ADAM18: variants seen among roughly 807,000 people sequenced by gnomAD.
ADAM18 encodes ADAM metallopeptidase domain 18.
ADAM18 carries 117 observed loss-of-function variants against 94.4 expected under a neutral mutation model. That is an observed-to-expected ratio of 1.24 (90% confidence interval 1.07 to 1.45). The LOEUF (loss-of-function observed/expected upper bound fraction) is 1.45. Among genes scored for constraint, ADAM18 ranks in the 40% most tolerant of loss-of-function variants. ADAM18 has a pLI of 0.00. For synonymous variants in ADAM18, 327 were observed against 291.6 expected, an observed-to-expected ratio of 1.12 and a Z score of -1.24; for missense variants, 936 against 880.0, an observed-to-expected ratio of 1.06 and a Z score of -0.81.
At chr8:39,702,951 G>T (rs192941843) in intron 17 of ADAM18, among the ~76,000 whole-genome samples, 48 of 152,252 alleles carry the variant, frequency 3.2e-4, no homozygotes, top group African/African-American at 1.1e-3. Flanking sequence ...GCATAGGATT[G>T]CCCTGGCCAT....
At position 39,706,787 on chromosome 8, in the gene ADAM18, C is replaced by G. The variant is rs982589915; in HGVS notation, c.1903-3C>G. ...AAACTGTTTCTGTATTTTTCTGTTTCAGATATGTAATAATTTTGGTAATTG... is the reference window on the plus strand; with the variant it reads ...AAACTGTTTCTGTATTTTTCTGTTTGAGATATGTAATAATTTTGGTAATTG... On this transcript the variant is annotated splice_region_variant and splice_polypyrimidine_tract_variant and intron_variant, in intron 17 of 19. Transcript: ENST00000265707. 2 of 1,544,876 alleles carry G rather than the reference C, an allele frequency of 1.3e-6. No individual in the cohort carries two copies. Among genetic ancestry groups the G allele is most frequent in the African/African-American group, 2.7e-5 (2 of 73,038 alleles).
chr8:39,590,854 T>C (rs1416463068), intron 2 of ADAM18, among the ~76,000 whole-genome samples: 1 of 152,202 alleles, frequency 6.6e-6, no homozygotes, highest in Non-Finnish European at 1.5e-5. Context: ...CTTCTGGTTA[T>C]TTTCCTGTTT....
chr8:39,635,506 TCTC>T (rs1485711744), intron 7 of ADAM18, among the ~76,000 whole-genome samples: 6 of 152,068 alleles, frequency 3.9e-5, no homozygotes, highest in South Asian at 2.1e-4. Context: ...TTTCACAACT[TCTC>T]CTAAGTTAAC....
At chr8:39,620,838 G>C (rs970597506) in intron 6 of ADAM18, among the ~76,000 whole-genome samples, 40 of 151,734 alleles carry the variant, frequency 2.6e-4, no homozygotes, top group African/African-American at 9.4e-4. Context: ...GTAGAGTGTG[G>C]AATGATAGAC....
Position 39,640,680 on chromosome 8 carries a change from G to A in ADAM18, c.909+2134G>A, listed in dbSNP as rs542989074. ...AGCATTCCTTTTTCTTTATAACCTC[G>A]CCAGCATCTGTTGTTTATTGACTTT... On this transcript the variant is annotated intron_variant, in intron 10 of 19. Coordinates refer to ENST00000265707, the MANE Select transcript of ADAM18 (RefSeq NM_014237.3). Among the ~76,000 whole-genome samples the A allele has an allele frequency of 8.6e-5, 13 of 151,894 alleles. No individual in the cohort carries two copies. In the South Asian group the frequency reaches 1.7e-3, roughly 19 times the overall value.
intron 2 of ADAM18, among the ~76,000 whole-genome samples, chr8:39,596,895 T>C (rs1030908466): frequency 3.9e-5 from 6 of 152,234 alleles, no homozygotes; most frequent in African/African-American, 1.2e-4. Context: ...ATTTTATTTT[T>C]AATTTGCAAT....
At chr8:39,694,442 T>A (rs1821867509) in intron 17 of ADAM18, among the ~76,000 whole-genome samples, 1 of 151,424 alleles carries the variant, frequency 6.6e-6, no homozygotes, top group Admixed American at 6.6e-5. Flanking sequence ...CCATGACCTG[T>A]TTTTAGTTCA....
At chr8:39,716,357 G>A (rs1393889215) in intron 18 of ADAM18, among the ~76,000 whole-genome samples, 1 of 151,680 alleles carries the variant, frequency 6.6e-6, no homozygotes, top group Non-Finnish European at 1.5e-5. Context: ...CTCCCTGTTA[G>A]TGCTGCTTTT....
chr8:39,723,823 C>G lies in ADAM18; in HGVS notation c.2093C>G (p.Pro698Arg). The change falls in exon 19 of 20, where the codon CCG becomes CGG. Residue 698 changes from proline to arginine, a missense_variant. Coordinates refer to ENST00000265707, the MANE Select transcript of ADAM18 (RefSeq NM_014237.3). ...ATTCTGAGTTTCTGCATTTTTCTGC[C>G]GTTTTTCATAGTTTTCACCACTGTG... Reference protein sequence around the residue: ...WFILSFCIFLPFFIVFTTVIF... With the variant: ...WFILSFCIFLRFFIVFTTVIF... 6.3e-7 allele frequency: 1 copy of G among 1,582,996 alleles called. No homozygotes were observed. The highest frequency in any genetic ancestry group is 8.6e-7 in the Non-Finnish European group (1 of 1,164,544).
rs114189623 is a variant in ADAM18, at chr8:39,726,073, C to T, written c.2177+2166C>T. Among the ~76,000 whole-genome samples the T allele has an allele frequency of 3.3e-3, 509 of 152,016 alleles. 3 individuals carry two copies. Among genetic ancestry groups the T allele is most frequent in the African/African-American group, 0.011 (460 of 41,484 alleles). ...AACCTAAGATGTAAAGTAAGCCATT[C>T]TAAATGGAAAGTAATATCTCATAGT... On this transcript the variant is annotated intron_variant, in intron 19 of 19. Coordinates refer to ENST00000265707, the MANE Select transcript of ADAM18 (RefSeq NM_014237.3).
In ADAM18 at chr8:39,686,522, C is replaced by T. The variant is rs969739431; in HGVS notation, c.1822-6078C>T. Among the ~76,000 whole-genome samples the T allele has an allele frequency of 7.9e-5, 12 of 152,262 alleles. No individual in the cohort carries two copies. The East Asian group carries it at 9.7e-4, about 12-fold the overall frequency. On this transcript the variant is annotated intron_variant, in intron 16 of 19. Transcript: ENST00000265707. Reference sequence around the variant, plus strand: ...ACCCTTGTGACCTAATCGCCTTCTACGGGATCCACTTTTTAATATGATTGC... The same window carrying T: ...ACCCTTGTGACCTAATCGCCTTCTATGGGATCCACTTTTTAATATGATTGC...
chr8:39,670,436 A>C (rs1045226100), intron 14 of ADAM18, among the ~76,000 whole-genome samples: 2 of 152,124 alleles, frequency 1.3e-5, no homozygotes, highest in Non-Finnish European at 2.9e-5. Context: ...GTTACCAAAA[A>C]CCACAGGTGG....
At chr8:39,656,518 AAAAC>A (rs1820688951) in intron 12 of ADAM18, among the ~76,000 whole-genome samples, 1 of 152,188 alleles carries the variant, frequency 6.6e-6, no homozygotes, top group Admixed American at 6.5e-5. Flanking sequence ...AAAAAAACAC[AAAAC>A]AAAGTGTAAA....
intron 17 of ADAM18, among the ~76,000 whole-genome samples, chr8:39,701,143 A>AAAG (rs1822065271): frequency 7.0e-6 from 1 of 142,724 alleles, no homozygotes; most frequent in African/African-American, 2.7e-5. Flanking sequence ...AAAAAAAAAA[A>AAAG]AAAAAATTTA....
chr8:39,678,740 A>G (rs1466511047), intron 15 of ADAM18, among the ~76,000 whole-genome samples: 1 of 152,214 alleles, frequency 6.6e-6, no homozygotes, highest in Non-Finnish European at 1.5e-5. Flanking sequence ...AGAAATTGTG[A>G]AAGTTAGCAA....
chr8:39,601,272 A>C (rs1341010689), intron 2 of ADAM18, among the ~76,000 whole-genome samples: 3 of 152,234 alleles, frequency 2.0e-5, no homozygotes, highest in African/African-American at 7.2e-5. Context: ...TCACTGCTGC[A>C]CTGTCTTCTG....
intron 16 of ADAM18, 132 bp downstream of exon 16, chr8:39,680,358 A>G (rs1361235344): frequency 3.4e-6 from 3 of 881,570 alleles, no homozygotes; most frequent in Non-Finnish European, 1.7e-6. Context: ...CCCATGTGAT[A>G]TTTAAATGAT....
chr8:39,686,055 C>A (rs189867469), intron 16 of ADAM18, among the ~76,000 whole-genome samples: 1 of 152,162 alleles, frequency 6.6e-6, no homozygotes, highest in African/African-American at 2.4e-5. Context: ...CTGAGGTTTT[C>A]TCTAAAGCTG....
intron 12 of ADAM18, among the ~76,000 whole-genome samples, chr8:39,651,848 A>G (rs1363840974): frequency 6.6e-6 from 1 of 152,206 alleles, no homozygotes; most frequent in African/African-American, 2.4e-5. Flanking sequence ...CCTGACTTCA[A>G]AATATACTAT....
Sources: gnomAD v4.1 joint callset for allele counts (sites outside exome capture counted in the v4.1 genomes callset) on GRCh38, gnomAD v4.1.1 for gene constraint, MANE v1.5 for transcripts, NCBI Gene and HGNC (gene_info 2026-07-23, HGNC 2026-07-21) for gene names.